CDH10: variants seen among roughly 807,000 people sequenced by gnomAD.
The protein encoded by CDH10 is cadherin-10.
Under a neutral mutation model 73.1 loss-of-function variants are expected in CDH10, and 30 were observed. The observed-to-expected ratio is 0.41, with a 90% confidence interval of 0.31 to 0.56. CDH10 has a LOEUF of 0.56. CDH10 is among the 20% of genes least tolerant of loss of function. The pLI, the probability that CDH10 is intolerant of heterozygous loss-of-function variation, is 0.27. For missense variants in CDH10, 815 were observed against 973.7 expected (o/e 0.84, Z 2.17); for synonymous variants, 345 against 348.2 (o/e 0.99, Z 0.10).
At chr5:24,566,409 T>C (rs186628376) in intron 2 of CDH10, among the ~76,000 whole-genome samples, 164 of 152,294 alleles carry the variant, frequency 1.1e-3, no homozygotes, top group African/African-American at 3.7e-3. Flanking sequence ...GCAAAAGATA[T>C]AGAATTATTT....
At chr5:24,539,874 T>C (rs1744087929) in intron 2 of CDH10, among the ~76,000 whole-genome samples, 2 of 152,086 alleles carry the variant, frequency 1.3e-5, no homozygotes, top group South Asian at 2.1e-4. Flanking sequence ...GTGGCAATTT[T>C]CCAAGTTACA....
chr5:24,565,232 T>A (rs1472169078), intron 2 of CDH10, among the ~76,000 whole-genome samples: 1 of 152,172 alleles, frequency 6.6e-6, no homozygotes, highest in Non-Finnish European at 1.5e-5. Flanking sequence ...TCAGACAACA[T>A]GATGATGTGT....
chr5:24,497,853 G>T (rs1742348436), intron 9 of CDH10, among the ~76,000 whole-genome samples: 1 of 152,124 alleles, frequency 6.6e-6, no homozygotes, highest in Non-Finnish European at 1.5e-5. Flanking sequence ...CAGAAAAAAT[G>T]TTTTAAAGTA....
At chr5:24,512,203 G>A (rs1742941440) in intron 5 of CDH10, among the ~76,000 whole-genome samples, 1 of 151,856 alleles carries the variant, frequency 6.6e-6, no homozygotes, top group South Asian at 2.1e-4. Flanking sequence ...TTTTGAGATG[G>A]GTGTCTTGCT....
At chr5:24,521,990 C>T (rs540195231) in intron 5 of CDH10, among the ~76,000 whole-genome samples, 134 of 151,984 alleles carry the variant, frequency 8.8e-4, no homozygotes, top group African/African-American at 3.2e-3. Context: ...AAAAATTAGC[C>T]TGGTATGGTG....
At chr5:24,504,186 C>T (rs1334746469) in intron 8 of CDH10, among the ~76,000 whole-genome samples, 7 of 152,014 alleles carry the variant, frequency 4.6e-5, no homozygotes, top group Non-Finnish European at 8.8e-5. Flanking sequence ...GGGTGCTCTG[C>T]TCCTCCCCTT....
At chr5:24,530,393 C>G (rs1009186246) in intron 5 of CDH10, among the ~76,000 whole-genome samples, 3 of 151,850 alleles carry the variant, frequency 2.0e-5, no homozygotes, top group Non-Finnish European at 2.9e-5. Context: ...GTAATGTAAT[C>G]TTTTCATAGA....
chr5:24,638,036 C>T (rs184937200), intron 1 of CDH10, among the ~76,000 whole-genome samples: 63 of 151,784 alleles, frequency 4.2e-4, no homozygotes, highest in South Asian at 2.1e-3. Context: ...TTTCTCATCT[C>T]CACTGGGCTG....
intron 5 of CDH10, among the ~76,000 whole-genome samples, chr5:24,534,829 A>C (rs899935943): frequency 5.9e-5 from 9 of 152,142 alleles, no homozygotes; most frequent in African/African-American, 2.2e-4. Context: ...TGAAAGAAAC[A>C]GTTCTTAAAC....
chr5:24,633,780 C>T (rs1747779524), intron 1 of CDH10, among the ~76,000 whole-genome samples: 1 of 151,786 alleles, frequency 6.6e-6, no homozygotes, highest in Non-Finnish European at 1.5e-5. Flanking sequence ...AAAAATGATT[C>T]ATTTTCAATG....
chr5:24,535,655 G>C (rs763121492), intron 4 of CDH10, 48 bp downstream of exon 4: 1 of 1,552,728 alleles, frequency 6.4e-7, no homozygotes, highest in South Asian at 1.2e-5. Context: ...TACTGATAAA[G>C]GTCATAAAGA....
chr5:24,590,017 T>C (rs1178519327), intron 2 of CDH10, among the ~76,000 whole-genome samples: 1 of 151,980 alleles, frequency 6.6e-6, no homozygotes, highest in African/African-American at 2.4e-5. Context: ...AATTCCAGTA[T>C]ACAGGAAGAT....
At chr5:24,510,108 A>G (rs1443178024) in intron 6 of CDH10, among the ~76,000 whole-genome samples, 1 of 152,196 alleles carries the variant, frequency 6.6e-6, no homozygotes, top group Non-Finnish European at 1.5e-5. Context: ...GTACCATTAC[A>G]AAAAATGGGC....
chr5:24,611,355 G>A (rs1246022963), intron 1 of CDH10, among the ~76,000 whole-genome samples: 1 of 152,038 alleles, frequency 6.6e-6, no homozygotes, highest in East Asian at 1.9e-4. Flanking sequence ...TGGGAGGTGA[G>A]AGGATCGCTT....
chr5:24,589,165 A>C (rs1165660555), intron 2 of CDH10, among the ~76,000 whole-genome samples: 1 of 152,154 alleles, frequency 6.6e-6, no homozygotes, highest in Non-Finnish European at 1.5e-5. Flanking sequence ...TGAAAGAAGG[A>C]ATAAACACTT....
At chr5:24,600,086 T>A (rs1746508159) in intron 1 of CDH10, among the ~76,000 whole-genome samples, 1 of 152,196 alleles carries the variant, frequency 6.6e-6, no homozygotes, top group South Asian at 2.1e-4. Flanking sequence ...CAATTCTAAA[T>A]TGTACTTACA....
At chr5:24,506,467 T>C (rs1291085287) in intron 7 of CDH10, among the ~76,000 whole-genome samples, 1 of 152,214 alleles carries the variant, frequency 6.6e-6, no homozygotes, top group Non-Finnish European at 1.5e-5. Context: ...CTCATGATGA[T>C]GTAAAGTGGA....
chr5:24,609,871 A>T (rs1488351579), intron 1 of CDH10: 1 of 152,208 alleles, frequency 6.6e-6, no homozygotes, highest in Non-Finnish European at 1.5e-5. Context: ...CGTCAGAATG[A>T]CTAATCGTGC....
In CDH10 at chr5:24,492,820, C is replaced by T. The variant is rs1742110798; in HGVS notation, c.1621G>A (p.Glu541Lys). ...VNPNFTVQDN[E>K]DNTARILTRK... ...GTGAACAAGTTCTAAAATTTACCTT[C>T]ATTATCCTGTACTGTGAAGTTTGGA... The change falls in exon 10 of 12, where the codon GAA (glutamate) becomes AAA (lysine). Residue 541 changes from glutamate to lysine, a missense_variant. By Grantham distance (56) the Glu-to-Lys change is moderately conservative. Around this residue, in one of 3 missense-constraint regions of CDH10, gnomAD observed 516 missense variants for 636.6 expected, o/e 0.81. Transcript: ENST00000264463. 2.9e-6 allele frequency: 4 copies of T among 1,367,400 alleles called. No individual in the cohort carries two copies. Among genetic ancestry groups the T allele is most frequent in the Non-Finnish European group, 4.2e-6 (4 of 956,386 alleles). 84.7% of individuals were successfully genotyped at this position (1,367,400 alleles called of 1,614,324 possible).
Sources: gnomAD v4.1 joint callset for allele counts (sites outside exome capture counted in the v4.1 genomes callset) on GRCh38, gnomAD v4.1.1 for gene constraint, gnomAD v4.1.1 regional missense constraint, MANE v1.5 for transcripts, NCBI Gene and HGNC (gene_info 2026-07-23, HGNC 2026-07-21) for gene names.